The following XKR4 variants were observed in gnomAD, a reference collection of about 807,000 sequenced individuals.
The protein encoded by XKR4 is XK-related protein 4.
In XKR4, 12 loss-of-function variants were observed where a neutral mutation model predicts 53.9. That is an observed-to-expected ratio of 0.22 (90% CI 0.14 to 0.36). The LOEUF (loss-of-function observed/expected upper bound fraction) is 0.36, where lower values mean the gene tolerates loss of function less well. Ranked by LOEUF, XKR4 falls within the 10% of genes least tolerant of loss-of-function variation. The probability of loss-of-function intolerance (pLI) is 1.00; values close to 1 mark genes in which losing one functional copy is unlikely to be tolerated. For missense variants in XKR4, 799 were observed against 859.5 expected (o/e 0.93, Z 0.88); for synonymous variants, 354 against 362.4 (o/e 0.98, Z 0.26).
intron 2 of XKR4, among the ~76,000 whole-genome samples, chr8:55,475,539 A>T: frequency 6.6e-6 from 1 of 151,898 alleles, no homozygotes; most frequent in East Asian, 1.9e-4. Context: ...ACCTCAGCCT[A>T]CTGAATAGCT....
chr8:55,302,249 G>A (rs1409223014), intron 1 of XKR4, among the ~76,000 whole-genome samples: 1 of 152,192 alleles, frequency 6.6e-6, no homozygotes, highest in Non-Finnish European at 1.5e-5. Context: ...TTATTAAATA[G>A]GGAATCCTTT....
rs546440164 is a variant in XKR4, at chr8:55,402,676, G to A, written c.1006+44799G>A. Among the ~76,000 whole-genome samples the A allele has an allele frequency of 7.9e-5, 12 of 152,272 alleles. No homozygotes were observed. In the East Asian group the frequency reaches 1.5e-3, roughly 20 times the overall value. ...GTGAAAATATGGACCAGTGCATGTC[G>A]TGGGGCAAAACTGTGGGCACTTCCT... is the stretch of plus-strand genomic sequence containing the variant. On this transcript the variant is annotated intron_variant, in intron 2 of 2. Transcript: ENST00000327381.
At chr8:55,103,345 C>G in intron 1 of XKR4, 51 bp downstream of exon 1, 3 of 1,535,032 alleles carry the variant, frequency 2.0e-6, no homozygotes, top group Non-Finnish European at 2.6e-6. Context: ...TACTACATCC[C>G]CACTGCTTTG....
chr8:55,435,700 G>C lies in XKR4; in HGVS notation c.1006+77823G>C, dbSNP rs140703305. 3.3e-5 allele frequency among the ~76,000 whole-genome samples: 5 copies of C among 152,074 alleles called. No individual in the cohort carries two copies. The South Asian group carries it at 6.3e-4, about 19-fold the overall frequency. On this transcript the variant is annotated intron_variant, in intron 2 of 2. Coordinates refer to ENST00000327381, the MANE Select transcript of XKR4 (RefSeq NM_052898.2). ...TGCCCCTTCCTCACCCTCCTGAATA[G>C]TGGGACCCCAGGCATATGCCACCAC...
intron 2 of XKR4, among the ~76,000 whole-genome samples, chr8:55,431,556 A>G (rs1432545550): frequency 6.6e-6 from 1 of 152,224 alleles, no homozygotes; most frequent in African/African-American, 2.4e-5. Flanking sequence ...TAATTTGAGC[A>G]TCAAATGTAT....
chr8:55,451,821 G>A, intron 2 of XKR4: 1 of 970,154 alleles, frequency 1.0e-6, no homozygotes, highest in East Asian at 2.5e-5. Flanking sequence ...TTTCCACCAG[G>A]AGGCTGCTCA....
intron 2 of XKR4, among the ~76,000 whole-genome samples, chr8:55,417,976 G>A (rs1804873493): frequency 6.6e-6 from 1 of 152,174 alleles, no homozygotes; most frequent in Non-Finnish European, 1.5e-5. Context: ...GATCCCCTGA[G>A]AAAGAGACAG....
intron 2 of XKR4, 123 bp from the exon 3 acceptor site, chr8:55,523,158 A>AAT: frequency 1.2e-6 from 1 of 815,504 alleles, no homozygotes; most frequent in Non-Finnish European, 1.9e-6. Context: ...AAAAAAAAAA[A>AAT]GAAATTAAGA....
At chr8:55,241,778 C>T (rs1818213768) in intron 1 of XKR4, among the ~76,000 whole-genome samples, 4 of 152,136 alleles carry the variant, frequency 2.6e-5, no homozygotes, top group Admixed American at 2.6e-4. Flanking sequence ...GGATTTTAAT[C>T]TGATGAGATA....
intron 1 of XKR4, among the ~76,000 whole-genome samples, chr8:55,289,677 G>GAGAAAGAA (rs1554516151): frequency 0.35 from 44,084 of 124,718 alleles, 10,232 homozygotes; most frequent in Non-Finnish European, 0.47. Context: ...AGAAAAGAAA[G>GAGAAAGAA]AGAAAGAAAG....
In XKR4 at chr8:55,525,042, A is replaced by T. The variant is rs985993706; in HGVS notation, c.*815A>T. The T allele has an allele frequency of 1.3e-5, 2 of 152,678 alleles. No individual in the cohort carries two copies. Among genetic ancestry groups the T allele is most frequent in the African/African-American group, 4.8e-5 (2 of 41,472 alleles). 9.5% of individuals were successfully genotyped at this position (152,678 alleles called of 1,614,324 possible). Reference sequence around the variant, plus strand: ...TTCAGTATTCAATTGCAAAAATGTAACAGGTACACAAAGAGGAAGTGGGGA... The same window carrying T: ...TTCAGTATTCAATTGCAAAAATGTATCAGGTACACAAAGAGGAAGTGGGGA... On this transcript the variant is annotated 3_prime_UTR_variant, in exon 3 of 3. Transcript: ENST00000327381.
At chr8:55,185,636 A>C (rs1033311071) in intron 1 of XKR4, among the ~76,000 whole-genome samples, 4 of 152,228 alleles carry the variant, frequency 2.6e-5, no homozygotes, top group Admixed American at 1.3e-4. Context: ...ATTCTGGAAC[A>C]TTTGGGCTCC....
intron 1 of XKR4, among the ~76,000 whole-genome samples, chr8:55,182,662 TG>T (rs1459411686): frequency 2.0e-5 from 3 of 152,232 alleles, no homozygotes; most frequent in Non-Finnish European, 4.4e-5. Flanking sequence ...TATGTGTCTA[TG>T]GCTTTACCAA....
chr8:55,478,513 A>G (rs2129400911), intron 2 of XKR4, among the ~76,000 whole-genome samples: 1 of 152,260 alleles, frequency 6.6e-6, no homozygotes, highest in Admixed American at 6.5e-5. Flanking sequence ...ATAACCAGCT[A>G]ACATCATAAT....
intron 2 of XKR4, chr8:55,453,388 G>T: frequency 2.3e-6 from 1 of 437,368 alleles, no homozygotes; most frequent in Non-Finnish European, 4.7e-6. Flanking sequence ...TGAGGCAGTG[G>T]CAGGCAGCTC....
At chr8:55,389,223 C>T (rs146712059) in intron 2 of XKR4, among the ~76,000 whole-genome samples, 552 of 152,300 alleles carry the variant, frequency 3.6e-3, no homozygotes, top group Admixed American at 7.2e-3. Context: ...TGGTACTGGA[C>T]TTCCAGCCTC....
intron 2 of XKR4, among the ~76,000 whole-genome samples, chr8:55,443,530 T>TAAAAAAAAAAAAA (rs751152509): frequency 4.1e-5 from 3 of 74,030 alleles, no homozygotes; most frequent in African/African-American, 1.3e-4. Flanking sequence ...TCAGTTACAT[T>TAAAAAAAAAAAAA]AAAAAAAAAA....
intron 2 of XKR4, among the ~76,000 whole-genome samples, chr8:55,463,885 A>T (rs2129398592): frequency 6.6e-6 from 1 of 152,284 alleles, no homozygotes; most frequent in South Asian, 2.1e-4. Flanking sequence ...GAAGAAATGG[A>T]TAAATTCCTC....
chr8:55,154,312 T>C (rs112489220), intron 1 of XKR4, among the ~76,000 whole-genome samples: 270 of 152,288 alleles, frequency 1.8e-3, no homozygotes, highest in Non-Finnish European at 2.9e-3. Flanking sequence ...ACAAATAAAA[T>C]TTTGAGAAAG....
Sources: gnomAD v4.1 joint callset for allele counts (sites outside exome capture counted in the v4.1 genomes callset) on GRCh38, gnomAD v4.1.1 for gene constraint, MANE v1.5 for transcripts, NCBI Gene and HGNC (gene_info 2026-07-23, HGNC 2026-07-21) for gene names.